Variants in ARHGAP10 observed in about 807,000 individuals in gnomAD.
ARHGAP10 encodes the protein Rho GTPase activating protein 10.
In ARHGAP10, 87 loss-of-function variants were observed where a neutral mutation model predicts 108.6. That is an observed-to-expected ratio of 0.80 (90% CI 0.67 to 0.96). The LOEUF is 0.96. Ranked by LOEUF, ARHGAP10 falls within the 40% of genes least tolerant of loss-of-function variation. The pLI, the probability that ARHGAP10 is intolerant of heterozygous loss-of-function variation, is 0.00. For synonymous variants in ARHGAP10, 347 were observed against 341.1 expected (o/e 1.02, Z -0.19); for missense variants, 939 against 954.5 (o/e 0.98, Z 0.21).
At chr4:147,806,574 T>C (rs1239675930) in intron 1 of ARHGAP10, among the ~76,000 whole-genome samples, 7 of 152,096 alleles carry the variant, frequency 4.6e-5, no homozygotes, top group Non-Finnish European at 1.0e-4. Flanking sequence ...TTTGCTGCTT[T>C]CATCAAGAAA....
intron 7 of ARHGAP10, among the ~76,000 whole-genome samples, chr4:147,868,019 ATTGT>A (rs1188397943): frequency 2.0e-5 from 3 of 150,700 alleles, no homozygotes; most frequent in African/African-American, 7.3e-5. Context: ...GTATTTGAGG[ATTGT>A]TTGGACATTC....
chr4:148,056,384 C>T (rs1188396544), intron 20 of ARHGAP10, among the ~76,000 whole-genome samples: 1 of 152,178 alleles, frequency 6.6e-6, no homozygotes, highest in Non-Finnish European at 1.5e-5. Context: ...TTTATAATTT[C>T]AGAAGGCTTT....
chr4:147,941,141 T>C (rs1049459587), intron 14 of ARHGAP10, among the ~76,000 whole-genome samples: 2 of 152,202 alleles, frequency 1.3e-5, no homozygotes, highest in Non-Finnish European at 2.9e-5. Flanking sequence ...CAAGATGGTG[T>C]TATGATGATT....
chr4:148,052,044 A>G (rs994501706), intron 20 of ARHGAP10, among the ~76,000 whole-genome samples: 4 of 152,192 alleles, frequency 2.6e-5, no homozygotes, highest in Non-Finnish European at 4.4e-5. Flanking sequence ...CCGCTCCCCC[A>G]AATATGATTT....
intron 18 of ARHGAP10, among the ~76,000 whole-genome samples, chr4:147,980,620 T>A (rs1328747142): frequency 6.6e-6 from 1 of 152,182 alleles, no homozygotes; most frequent in Non-Finnish European, 1.5e-5. Context: ...TACCAGCTCT[T>A]TTTTGTAAGC....
At chr4:147,980,643 G>C (rs1238546048) in intron 18 of ARHGAP10, among the ~76,000 whole-genome samples, 3 of 152,138 alleles carry the variant, frequency 2.0e-5, no homozygotes, top group Non-Finnish European at 2.9e-5. Context: ...GGTAGAATTT[G>C]GCTGTGAATC....
intron 22 of ARHGAP10, chr4:148,065,490 G>A (rs917421966): frequency 3.9e-5 from 6 of 152,110 alleles, no homozygotes; most frequent in African/African-American, 1.2e-4. Context: ...AACCCCACAT[G>A]GAACAGAATT....
chr4:148,004,180 A>G (rs1740851094), intron 18 of ARHGAP10, among the ~76,000 whole-genome samples: 1 of 152,150 alleles, frequency 6.6e-6, no homozygotes, highest in Admixed American at 6.5e-5. Flanking sequence ...ACATAGCATG[A>G]CCCTGTCTCA....
intron 18 of ARHGAP10, among the ~76,000 whole-genome samples, chr4:147,971,138 T>C (rs1739392869): frequency 6.6e-6 from 1 of 151,402 alleles, no homozygotes; most frequent in Admixed American, 6.6e-5. Flanking sequence ...CAAAATATTA[T>C]TAAGGTCTTT....
At chr4:147,870,272 A>C (rs1448922175) in intron 7 of ARHGAP10, among the ~76,000 whole-genome samples, 1 of 152,144 alleles carries the variant, frequency 6.6e-6, no homozygotes, top group Non-Finnish European at 1.5e-5. Context: ...CGTGTTAGTC[A>C]GGATGGTCTT....
intron 1 of ARHGAP10, among the ~76,000 whole-genome samples, chr4:147,756,877 G>A (rs1371906278): frequency 6.6e-6 from 1 of 150,794 alleles, no homozygotes; most frequent in Non-Finnish European, 1.5e-5. Flanking sequence ...AGAAGGTTGT[G>A]TAATTGTTTT....
At chr4:148,059,662 G>A (rs942478707) in intron 20 of ARHGAP10, among the ~76,000 whole-genome samples, 2 of 152,118 alleles carry the variant, frequency 1.3e-5, no homozygotes, top group Admixed American at 6.5e-5. Context: ...GATCTGGTGA[G>A]TGTTTTAGTT....
At chr4:147,772,864 A>G (rs1730132617) in intron 1 of ARHGAP10, among the ~76,000 whole-genome samples, 1 of 152,116 alleles carries the variant, frequency 6.6e-6, no homozygotes, top group African/African-American at 2.4e-5. Context: ...GGTGGGGTGG[A>G]TGAGTGCAGC....
At chr4:148,049,657 A>G (rs920340578) in intron 20 of ARHGAP10, among the ~76,000 whole-genome samples, 2 of 151,938 alleles carry the variant, frequency 1.3e-5, no homozygotes, top group Non-Finnish European at 2.9e-5. Flanking sequence ...GATACTTATT[A>G]TTTGGCGCTA....
chr4:147,785,087 A>AAAAG (rs1032541743), intron 1 of ARHGAP10, among the ~76,000 whole-genome samples: 4 of 144,796 alleles, frequency 2.8e-5, no homozygotes, highest in Non-Finnish European at 4.6e-5. Flanking sequence ...ATTTTCTAAA[A>AAAAG]AAAAAAAAAA....
At chr4:147,972,597 G>A (rs2149619843) in intron 18 of ARHGAP10, among the ~76,000 whole-genome samples, 1 of 152,284 alleles carries the variant, frequency 6.6e-6, no homozygotes, top group South Asian at 2.1e-4. Flanking sequence ...AGAGGAGCCA[G>A]AAGAAACCCA....
At chr4:147,885,148 G>A (rs1735493596) in intron 10 of ARHGAP10, among the ~76,000 whole-genome samples, 2 of 151,838 alleles carry the variant, frequency 1.3e-5, no homozygotes, top group Non-Finnish European at 2.9e-5. Context: ...CAAAGTGGGG[G>A]CATAAGGATG....
At chr4:148,004,815 C>T (rs557816303) in intron 18 of ARHGAP10, among the ~76,000 whole-genome samples, 1 of 152,344 alleles carries the variant, frequency 6.6e-6, no homozygotes, top group South Asian at 2.1e-4. Flanking sequence ...GAGCAGAAGA[C>T]ACAGTTTAGC....
chr4:147,859,429 C>T (rs1368538501), intron 5 of ARHGAP10, among the ~76,000 whole-genome samples: 4 of 151,952 alleles, frequency 2.6e-5, no homozygotes, highest in South Asian at 2.1e-4. Context: ...CCCACTACCA[C>T]GCCCAGCTAA....
Sources: gnomAD v4.1 joint callset for allele counts (sites outside exome capture counted in the v4.1 genomes callset) on GRCh38, gnomAD v4.1.1 for gene constraint, MANE v1.5 for transcripts, NCBI Gene and HGNC (gene_info 2026-07-23, HGNC 2026-07-21) for gene names.